The following ATXN7L1 variants were observed in gnomAD, a reference collection of about 807,000 sequenced individuals.
ATXN7L1 encodes ataxin-7-like protein 1.
Under a neutral mutation model 70.8 loss-of-function variants are expected in ATXN7L1, and 15 were observed. The observed-to-expected ratio is 0.21, with a 90% CI of 0.14 to 0.33. The LOEUF is 0.33. Among genes scored for constraint, ATXN7L1 ranks in the 10% least tolerant of loss-of-function variants. The pLI is 1.00. For missense variants in ATXN7L1, 975 were observed against 1,097.1 expected (o/e 0.89, Z 1.57); for synonymous variants, 440 against 445.1 (o/e 0.99, Z 0.14).
At chr7:105,641,679 AG>A (rs879449034) in intron 5 of ATXN7L1, among the ~76,000 whole-genome samples, 7 of 152,254 alleles carry the variant, frequency 4.6e-5, no homozygotes, top group Non-Finnish European at 4.4e-5. Flanking sequence ...CTTTCCATGC[AG>A]GAAGAGCCAG....
intron 8 of ATXN7L1, among the ~76,000 whole-genome samples, chr7:105,621,990 A>G (rs1327803947): frequency 6.6e-6 from 1 of 152,238 alleles, no homozygotes; most frequent in Non-Finnish European, 1.5e-5. Context: ...TTACTGACCA[A>G]GCAAGAAAAC....
intron 3 of ATXN7L1, among the ~76,000 whole-genome samples, chr7:105,726,667 T>C (rs1795853138): frequency 6.6e-6 from 1 of 152,156 alleles, no homozygotes; most frequent in African/African-American, 2.4e-5. Context: ...GTCCAGCCCT[T>C]AGGAGATGAT....
intron 2 of ATXN7L1, among the ~76,000 whole-genome samples, chr7:105,861,787 T>C (rs987597824): frequency 1.3e-5 from 2 of 152,172 alleles, no homozygotes; most frequent in Non-Finnish European, 2.9e-5. Context: ...GCGGGTGCCA[T>C]GAAAACTTCT....
intron 3 of ATXN7L1, among the ~76,000 whole-genome samples, chr7:105,707,700 ACTT>A (rs1793356662): frequency 6.6e-6 from 1 of 152,204 alleles, no homozygotes; most frequent in African/African-American, 2.4e-5. Context: ...CCTGCAGAGA[ACTT>A]CTATGTTTCC....
At chr7:105,874,872 T>A (rs1338595275) in intron 2 of ATXN7L1, among the ~76,000 whole-genome samples, 1 of 152,232 alleles carries the variant, frequency 6.6e-6, no homozygotes, top group Non-Finnish European at 1.5e-5. Context: ...GGATGACCAA[T>A]GCACCTATGG....
At chr7:105,611,698 A>G (rs970298238) in intron 10 of ATXN7L1, among the ~76,000 whole-genome samples, 4 of 152,206 alleles carry the variant, frequency 2.6e-5, no homozygotes, top group African/African-American at 7.2e-5. Context: ...TTTTTTATTC[A>G]GTTTAATAGC....
At chr7:105,739,120 G>A (rs1430230891) in intron 3 of ATXN7L1, among the ~76,000 whole-genome samples, 1 of 152,174 alleles carries the variant, frequency 6.6e-6, no homozygotes. Flanking sequence ...GCAGAGGTGT[G>A]GAAATCTTCA....
intron 3 of ATXN7L1, among the ~76,000 whole-genome samples, chr7:105,753,751 G>T (rs928577353): frequency 2.6e-5 from 4 of 152,246 alleles, no homozygotes; most frequent in Non-Finnish European, 5.9e-5. Context: ...GAGCATCCTT[G>T]AGGAGTAAAA....
At chr7:105,620,942 C>T (rs935363052) in intron 8 of ATXN7L1, among the ~76,000 whole-genome samples, 1 of 151,244 alleles carries the variant, frequency 6.6e-6, no homozygotes, top group African/African-American at 2.4e-5. Flanking sequence ...GGTGACTTTT[C>T]AGGACCATCT....
intron 3 of ATXN7L1, chr7:105,677,808 A>G (rs1301373647): frequency 6.8e-6 from 3 of 439,932 alleles, no homozygotes; most frequent in African/African-American, 4.3e-5. Context: ...CCACAGGCTG[A>G]TAAGAGAGGC....
chr7:105,764,809 C>T (rs961675110), intron 3 of ATXN7L1, among the ~76,000 whole-genome samples: 1 of 151,494 alleles, frequency 6.6e-6, no homozygotes, highest in South Asian at 2.1e-4. Flanking sequence ...TTTCCAGGAA[C>T]GATCATACTC....
rs570868363 is a variant in ATXN7L1 at position 105,874,421 on chromosome 7, A to G, written c.250+1391T>C. Among the ~76,000 whole-genome samples, 14 of 152,344 alleles carry G rather than the reference A, an allele frequency of 9.2e-5. No individual in the cohort carries two copies. In the South Asian group the frequency reaches 2.7e-3, roughly 29 times the overall value. ...CAAGAGTTTGTGTGTGAAGAAAAAT[A>G]ATCTCTAGTGATGCTTCCCACTGCC... On this transcript the variant is annotated intron_variant, in intron 2 of 11. Coordinates refer to ENST00000419735, the MANE Select transcript of ATXN7L1 (RefSeq NM_020725.2).
chr7:105,760,645 A>T, intron 3 of ATXN7L1: 2 of 793,774 alleles, frequency 2.5e-6, no homozygotes, highest in Non-Finnish European at 3.1e-6. Flanking sequence ...CAGACATTAA[A>T]CATTTCTGTT....
intron 3 of ATXN7L1, among the ~76,000 whole-genome samples, chr7:105,719,764 C>G (rs1794972933): frequency 6.6e-6 from 1 of 152,172 alleles, no homozygotes; most frequent in African/African-American, 2.4e-5. Context: ...CAACAGAAGA[C>G]AGATAAAAAC....
chr7:105,771,201 GATAATA>G (rs67884616), intron 3 of ATXN7L1, among the ~76,000 whole-genome samples: 10,260 of 139,160 alleles, frequency 0.074, 679 homozygotes, highest in East Asian at 0.29. Flanking sequence ...CTCCGTCTCT[GATAATA>G]ATAATAATAA....
intron 3 of ATXN7L1, among the ~76,000 whole-genome samples, chr7:105,780,873 A>G (rs1243984444): frequency 1.3e-5 from 2 of 152,242 alleles, no homozygotes; most frequent in Non-Finnish European, 2.9e-5. Flanking sequence ...GTGATTCCAC[A>G]GAAGTCATTT....
chr7:105,822,445 T>C (rs774728187), intron 2 of ATXN7L1, among the ~76,000 whole-genome samples: 23 of 152,230 alleles, frequency 1.5e-4, no homozygotes, highest in Non-Finnish European at 3.1e-4. Context: ...ACTTTCACTG[T>C]TTCATTTGTC....
At chr7:105,721,121 G>A (rs974654611) in intron 3 of ATXN7L1, among the ~76,000 whole-genome samples, 2 of 152,118 alleles carry the variant, frequency 1.3e-5, no homozygotes, top group Admixed American at 6.5e-5. Context: ...TGAAGTGGCC[G>A]GTCCAGAACA....
intron 3 of ATXN7L1, among the ~76,000 whole-genome samples, chr7:105,699,910 T>C (rs1289786866): frequency 2.6e-5 from 4 of 152,214 alleles, no homozygotes; most frequent in Non-Finnish European, 5.9e-5. Context: ...GAGTTCTAAT[T>C]TCCTGAACTT....
Sources: allele counts gnomAD v4.1 joint callset (sites outside exome capture counted in the v4.1 genomes callset), GRCh38; gene constraint gnomAD v4.1.1; transcripts MANE v1.5; gene names NCBI Gene and HGNC (gene_info 2026-07-23, HGNC 2026-07-21).